ERBB4: variants seen among roughly 807,000 people sequenced by gnomAD.
The protein encoded by ERBB4 is erb-b2 receptor tyrosine kinase 4.
ERBB4 carries 42 observed loss-of-function variants against 158.0 expected under a neutral mutation model. That is an observed-to-expected ratio of 0.27 (90% confidence interval 0.21 to 0.34). The LOEUF is 0.34. ERBB4 is among the 10% of genes least tolerant of loss of function. The pLI is 1.00. For missense variants in ERBB4, 1,333 were observed against 1,624.1 expected (o/e 0.82, Z 3.08); for synonymous variants, 583 against 558.7 (o/e 1.04, Z -0.61).
chr2:212,254,650 T>C (rs2084659483), intron 1 of ERBB4, among the ~76,000 whole-genome samples: 1 of 152,176 alleles, frequency 6.6e-6, no homozygotes, highest in South Asian at 2.1e-4. Flanking sequence ...AGCAAAAGCA[T>C]GGCATAGGAA....
intron 3 of ERBB4, among the ~76,000 whole-genome samples, chr2:211,867,789 C>T (rs897752749): frequency 3.9e-5 from 6 of 152,038 alleles, no homozygotes; most frequent in African/African-American, 9.7e-5. Flanking sequence ...CAACTTAAAC[C>T]GTATGTTTAT....
chr2:211,853,762 G>C (rs1323170129), intron 3 of ERBB4, among the ~76,000 whole-genome samples: 1 of 151,824 alleles, frequency 6.6e-6, no homozygotes, highest in Non-Finnish European at 1.5e-5. Flanking sequence ...TTACACTATT[G>C]TGATTATGAT....
chr2:212,421,339 T>C (rs992982962), intron 1 of ERBB4, among the ~76,000 whole-genome samples: 2 of 152,128 alleles, frequency 1.3e-5, no homozygotes, highest in Non-Finnish European at 2.9e-5. Flanking sequence ...GAAACCCTTT[T>C]TAGGGTCACA....
chr2:211,711,965 G>A (rs2073717954), intron 9 of ERBB4, 85 bp downstream of exon 9: 1 of 1,188,250 alleles, frequency 8.4e-7, no homozygotes, highest in Non-Finnish European at 1.2e-6. Flanking sequence ...TCAGCTTCCA[G>A]AGGAATCAAA....
intron 1 of ERBB4, among the ~76,000 whole-genome samples, chr2:212,307,372 C>CAAA (rs11451976): frequency 0.02 from 2,996 of 146,970 alleles, 106 homozygotes; most frequent in African/African-American, 0.07. Flanking sequence ...TGACTATTGG[C>CAAA]AAAAAAAAAA....
In ERBB4 at chr2:211,780,305, A is replaced by G. The variant is rs531976877; in HGVS notation, c.556+7720T>C. Among the ~76,000 whole-genome samples, 8 of 152,358 alleles carry G rather than the reference A, an allele frequency of 5.3e-5. No individual in the cohort carries two copies. The South Asian group carries it at 1.7e-3, about 32-fold the overall frequency. ...CCTGAACCCAAGCGGTCGAGGCTCC[A>G]GTGAGCTGTGATTGCACCACTGCAC... On this transcript the variant is annotated intron_variant, in intron 4 of 27. Transcript: ENST00000342788.
At chr2:211,746,840 A>C (rs67311292) in intron 5 of ERBB4, among the ~76,000 whole-genome samples, 7 of 128,550 alleles carry the variant, frequency 5.4e-5, no homozygotes, top group Non-Finnish European at 8.6e-5. Context: ...AAAAAAAAAA[A>C]AAAAAAACCC....
chr2:211,600,058 T>C (rs759726572), intron 19 of ERBB4, among the ~76,000 whole-genome samples: 1 of 152,180 alleles, frequency 6.6e-6, no homozygotes, highest in Non-Finnish European at 1.5e-5. Flanking sequence ...ATAGTGCTGT[T>C]CATTATAAGG....
intron 12 of ERBB4, among the ~76,000 whole-genome samples, chr2:211,693,016 T>C (rs1247013032): frequency 1.3e-5 from 2 of 152,236 alleles, no homozygotes; most frequent in Admixed American, 6.5e-5. Context: ...CCCTTCCCCA[T>C]GTTGAATAGG....
At chr2:211,880,486 C>T (rs1352751877) in intron 3 of ERBB4, among the ~76,000 whole-genome samples, 1 of 152,092 alleles carries the variant, frequency 6.6e-6, no homozygotes, top group Non-Finnish European at 1.5e-5. Context: ...AAATTGTTTA[C>T]TTGACTATAC....
chr2:211,494,065 C>T (rs931459080), intron 20 of ERBB4, among the ~76,000 whole-genome samples: 6 of 152,100 alleles, frequency 3.9e-5, no homozygotes, highest in Admixed American at 2.0e-4. Flanking sequence ...TGCAGCGGTG[C>T]GATCTCGGCT....
At chr2:211,538,314 A>G (rs1215787356) in intron 20 of ERBB4, among the ~76,000 whole-genome samples, 1 of 151,854 alleles carries the variant, frequency 6.6e-6, no homozygotes, top group Non-Finnish European at 1.5e-5. Context: ...ATTCTATGTT[A>G]TACACGAATT....
chr2:212,075,817 A>G (rs1456663857), intron 2 of ERBB4, among the ~76,000 whole-genome samples: 2 of 151,930 alleles, frequency 1.3e-5, no homozygotes, highest in Admixed American at 6.6e-5. Flanking sequence ...ATTACATATG[A>G]AAAGTTCTCT....
At chr2:211,387,638 G>A (rs530113592) in intron 26 of ERBB4, among the ~76,000 whole-genome samples, 140 of 148,314 alleles carry the variant, frequency 9.4e-4, no homozygotes, top group Non-Finnish European at 1.7e-3. Flanking sequence ...CTATAATTCT[G>A]ACTTTTTAGT....
At chr2:212,464,892 T>TCTCACACA (rs1252384791) in intron 1 of ERBB4, among the ~76,000 whole-genome samples, 5 of 146,046 alleles carry the variant, frequency 3.4e-5, no homozygotes, top group African/African-American at 1.3e-4. Flanking sequence ...AAGGGAAACA[T>TCTCACACA]CACACACACA....
At chr2:211,528,234 A>G (rs2066405198) in intron 20 of ERBB4, among the ~76,000 whole-genome samples, 1 of 152,066 alleles carries the variant, frequency 6.6e-6, no homozygotes. Context: ...AATAGATTTC[A>G]AGACAAAAAC....
intron 19 of ERBB4, among the ~76,000 whole-genome samples, chr2:211,578,487 C>T (rs2067960492): frequency 1.3e-5 from 2 of 152,098 alleles, no homozygotes; most frequent in Non-Finnish European, 1.5e-5. Context: ...AAAGAGTCCA[C>T]ATAGCCAAGA....
intron 25 of ERBB4, among the ~76,000 whole-genome samples, chr2:211,400,599 G>C (rs1049295770): frequency 1.3e-5 from 2 of 151,226 alleles, no homozygotes; most frequent in Non-Finnish European, 2.9e-5. Context: ...TGGAGATAGA[G>C]AGTAGAAGGA....
chr2:212,271,687 C>T (rs905291987), intron 1 of ERBB4, among the ~76,000 whole-genome samples: 7 of 151,632 alleles, frequency 4.6e-5, no homozygotes, highest in Non-Finnish European at 1.0e-4. Flanking sequence ...AGGTCACTTC[C>T]CAGTAGACTT....
Sources: allele counts gnomAD v4.1 joint callset (sites outside exome capture counted in the v4.1 genomes callset), GRCh38; gene constraint gnomAD v4.1.1; transcripts MANE v1.5; gene names NCBI Gene and HGNC (gene_info 2026-07-23, HGNC 2026-07-21).